CRPPA: variants seen among roughly 807,000 people sequenced by gnomAD.
The protein encoded by CRPPA is D-ribitol-5-phosphate cytidylyltransferase.
A neutral mutation model predicts 52.0 loss-of-function variants in CRPPA; 43 were observed. The observed-to-expected ratio is 0.83, with a 90% CI of 0.65 to 1.07. The LOEUF is 1.07. Among genes scored for constraint, CRPPA ranks in the 50% least tolerant of loss-of-function variants. The pLI is 0.00. For synonymous variants in CRPPA, 250 were observed against 203.5 expected (o/e 1.23, Z -1.94); for missense variants, 629 against 551.7 (o/e 1.14, Z -1.40).
At chr7:16,407,891 G>A (rs1787991556) in intron 1 of CRPPA, among the ~76,000 whole-genome samples, 1 of 152,056 alleles carries the variant, frequency 6.6e-6, no homozygotes, top group Non-Finnish European at 1.5e-5. Context: ...TGGATCACTT[G>A]AGATCAGGAG....
At chr7:16,130,323 T>C (rs2128372632) in intron 9 of CRPPA, among the ~76,000 whole-genome samples, 1 of 152,292 alleles carries the variant, frequency 6.6e-6, no homozygotes, top group Admixed American at 6.5e-5. Flanking sequence ...AGAAAATCTT[T>C]AGTTATATCA....
At chr7:16,172,515 G>C (rs1030964396) in intron 9 of CRPPA, among the ~76,000 whole-genome samples, 1 of 152,208 alleles carries the variant, frequency 6.6e-6, no homozygotes, top group African/African-American at 2.4e-5. Flanking sequence ...TATATGTCAT[G>C]TCTGTCAGGT....
At chr7:16,354,360 G>A (rs1482764851) in intron 3 of CRPPA, among the ~76,000 whole-genome samples, 8 of 151,918 alleles carry the variant, frequency 5.3e-5, no homozygotes, top group Admixed American at 2.0e-4. Flanking sequence ...TTTGTAATAC[G>A]GTTGAAAACA....
At chr7:16,163,221 G>T (rs1042813476) in intron 9 of CRPPA, among the ~76,000 whole-genome samples, 3 of 151,952 alleles carry the variant, frequency 2.0e-5, no homozygotes, top group Non-Finnish European at 4.4e-5. Context: ...TGATCTGCCT[G>T]CCTCAGCCTC....
At chr7:16,416,927 G>T (rs769748754) in intron 1 of CRPPA, among the ~76,000 whole-genome samples, 5 of 152,120 alleles carry the variant, frequency 3.3e-5, no homozygotes, top group African/African-American at 9.7e-5. Flanking sequence ...CTAATATCCA[G>T]AATCTATAAG....
intron 8 of CRPPA, among the ~76,000 whole-genome samples, chr7:16,217,662 G>C (rs1407451088): frequency 4.8e-5 from 7 of 145,080 alleles, no homozygotes; most frequent in African/African-American, 1.0e-4. Context: ...CTCAGGAGCC[G>C]ATGCGATCAA....
Position 16,114,003 on chromosome 7 carries a change from C to T in CRPPA, c.1252-22204G>A, listed in dbSNP as rs141635861. Among the ~76,000 whole-genome samples the T allele has an allele frequency of 3.4e-3, 522 of 151,916 alleles. 4 individuals carry two copies. Among genetic ancestry groups the T allele is most frequent in the Admixed American group, 6.2e-3 (95 of 15,246 alleles). ...TATTTAAAAGAACAAAATCAAAATACTGGGTAAGAACAGTAGCATAAAAGT... is the reference window on the plus strand; with the variant it reads ...TATTTAAAAGAACAAAATCAAAATATTGGGTAAGAACAGTAGCATAAAAGT... On this transcript the variant is annotated intron_variant, in intron 9 of 9. Coordinates refer to ENST00000407010, the MANE Select transcript of CRPPA (RefSeq NM_001101426.4).
At chr7:16,225,959 A>G (rs983476780) in intron 8 of CRPPA, among the ~76,000 whole-genome samples, 2 of 151,988 alleles carry the variant, frequency 1.3e-5, no homozygotes, top group Non-Finnish European at 2.9e-5. Context: ...TTCAGAATAC[A>G]CAGAAAAAAA....
intron 5 of CRPPA, among the ~76,000 whole-genome samples, chr7:16,285,909 T>C (rs1415412325): frequency 6.8e-6 from 1 of 146,822 alleles, no homozygotes; most frequent in African/African-American, 2.5e-5. Context: ...TAATCCCATC[T>C]ACTTGGGTGG....
chr7:16,292,974 T>C (rs1330781068), intron 5 of CRPPA, among the ~76,000 whole-genome samples: 1 of 151,938 alleles, frequency 6.6e-6, no homozygotes, highest in Non-Finnish European at 1.5e-5. Context: ...AAAACAGTAA[T>C]ACGTAAAGTT....
chr7:16,093,160 T>C (rs1422184651), intron 9 of CRPPA, among the ~76,000 whole-genome samples: 2 of 152,190 alleles, frequency 1.3e-5, no homozygotes, highest in Admixed American at 6.6e-5. Flanking sequence ...CATTTTTTGA[T>C]GTAAAGAATT....
chr7:16,375,920 G>C (rs1482086347), intron 3 of CRPPA, among the ~76,000 whole-genome samples, 172 bp downstream of exon 3: 2 of 152,148 alleles, frequency 1.3e-5, no homozygotes, highest in African/African-American at 2.4e-5. Context: ...CATTCTGCCT[G>C]CATCTCTCTC....
At position 16,171,741 on chromosome 7, in the gene CRPPA, C is replaced by T. The variant is rs568184972; in HGVS notation, c.1251+44325G>A. Among the ~76,000 whole-genome samples the T allele has an allele frequency of 5.3e-5, 8 of 152,168 alleles. No homozygotes were observed. The South Asian group carries it at 8.3e-4, about 16-fold the overall frequency. On this transcript the variant is annotated intron_variant, in intron 9 of 9. Coordinates refer to ENST00000407010, the MANE Select transcript of CRPPA (RefSeq NM_001101426.4). ...CCAGGAGGCGGAGCTTGCAGTGAGC[C>T]GAGACTGTGCCACTGCACTCAGCCT...
At chr7:16,361,625 G>A (rs1019399699) in intron 3 of CRPPA, among the ~76,000 whole-genome samples, 5 of 152,162 alleles carry the variant, frequency 3.3e-5, no homozygotes, top group Admixed American at 1.3e-4. Flanking sequence ...ATGATTACAT[G>A]AGGTACCTAG....
intron 3 of CRPPA, among the ~76,000 whole-genome samples, chr7:16,349,828 C>T (rs1176811694): frequency 6.6e-6 from 1 of 151,718 alleles, no homozygotes; most frequent in African/African-American, 2.4e-5. Context: ...ACAGAAGAAA[C>T]ATAAAACATA....
intron 9 of CRPPA, among the ~76,000 whole-genome samples, chr7:16,114,295 T>TACACACAC (rs140597697): frequency 6.8e-6 from 1 of 147,144 alleles, no homozygotes; most frequent in African/African-American, 2.5e-5. Context: ...CACGCACACA[T>TACACACAC]ACACACACAC....
intron 3 of CRPPA, among the ~76,000 whole-genome samples, chr7:16,315,654 A>T (rs1785129239): frequency 1.3e-5 from 2 of 152,166 alleles, no homozygotes; most frequent in African/African-American, 4.8e-5. Context: ...CATAGGAAGC[A>T]CAATAAGATT....
chr7:16,286,062 T>G (rs1446772151), intron 5 of CRPPA, among the ~76,000 whole-genome samples: 1 of 32,360 alleles, frequency 3.1e-5, no homozygotes, highest in Non-Finnish European at 5.3e-5. Flanking sequence ...TATATATATA[T>G]ATATATATAT....
chr7:16,301,914 T>C (rs1784795514), intron 4 of CRPPA, among the ~76,000 whole-genome samples: 1 of 152,190 alleles, frequency 6.6e-6, no homozygotes, highest in Non-Finnish European at 1.5e-5. Flanking sequence ...CCTTCTGAAT[T>C]ACATATATCC....
Sources: gnomAD v4.1 joint callset for allele counts (sites outside exome capture counted in the v4.1 genomes callset) on GRCh38, gnomAD v4.1.1 for gene constraint, MANE v1.5 for transcripts, NCBI Gene and HGNC (gene_info 2026-07-23, HGNC 2026-07-21) for gene names.